Variants in XPO7 observed in about 807,000 individuals in gnomAD.
XPO7 encodes exportin 7.
XPO7 carries 21 observed loss-of-function variants against 144.3 expected under a neutral mutation model. The ratio of observed to expected loss-of-function variants is 0.15; its 90% CI spans 0.10 to 0.21. XPO7 has a LOEUF of 0.21. Ranked by LOEUF, XPO7 falls within the 10% of genes least tolerant of loss-of-function variation. The pLI, the probability that XPO7 is intolerant of heterozygous loss-of-function variation, is 1.00. For missense variants in XPO7, 808 were observed against 1,325.8 expected (o/e 0.61, Z 6.06); for synonymous variants, 580 against 499.6 (o/e 1.16, Z -2.15).
chr8:21,951,876 C>T (rs1331440536), intron 1 of XPO7, among the ~76,000 whole-genome samples: 1 of 152,184 alleles, frequency 6.6e-6, no homozygotes, highest in African/African-American at 2.4e-5. Flanking sequence ...GATCCTAATG[C>T]TGTCTCTACA....
intron 1 of XPO7, among the ~76,000 whole-genome samples, chr8:21,942,997 T>C (rs1811045151): frequency 6.6e-6 from 1 of 152,266 alleles, no homozygotes; most frequent in South Asian, 2.1e-4. Context: ...CCAGCCGTTT[T>C]ATCCACCATT....
intron 6 of XPO7, 44 bp downstream of exon 6, chr8:21,974,818 G>C: frequency 7.0e-7 from 1 of 1,436,676 alleles, no homozygotes; most frequent in Non-Finnish European, 9.5e-7. Context: ...TCTTTTGAAA[G>C]AATGAGAATG....
chr8:21,931,167 T>C (rs1391689593), intron 1 of XPO7, among the ~76,000 whole-genome samples: 2 of 147,484 alleles, frequency 1.4e-5, no homozygotes, highest in Non-Finnish European at 3.0e-5. Context: ...TTTCTCTCTC[T>C]CTTTTTTTTT....
intron 1 of XPO7, among the ~76,000 whole-genome samples, chr8:21,951,046 AG>A (rs1173581648): frequency 6.6e-6 from 1 of 152,052 alleles, no homozygotes; most frequent in Non-Finnish European, 1.5e-5. Context: ...GGGTGAGCCG[AG>A]GTCACATCGC....
intron 9 of XPO7, 92 bp from the exon 10 acceptor site, chr8:21,981,639 A>T (rs373967428): frequency 2.0e-6 from 3 of 1,491,740 alleles, no homozygotes; most frequent in African/African-American, 2.8e-5. Context: ...AGTAGATTCT[A>T]CCCCTTCCCC....
intron 1 of XPO7, among the ~76,000 whole-genome samples, chr8:21,961,588 G>A (rs775203434): frequency 1.3e-5 from 2 of 152,068 alleles, no homozygotes; most frequent in African/African-American, 2.4e-5. Flanking sequence ...AGCAACATAC[G>A]AGTTCTGGTT....
chr8:21,961,872 A>T (rs549117511), intron 1 of XPO7, among the ~76,000 whole-genome samples: 1 of 152,310 alleles, frequency 6.6e-6, no homozygotes, highest in South Asian at 2.1e-4. Flanking sequence ...CACGTCGGCC[A>T]TGCCGGTCTC....
intron 1 of XPO7, among the ~76,000 whole-genome samples, chr8:21,938,360 C>T (rs1001127861): frequency 1.4e-4 from 22 of 152,106 alleles, no homozygotes; most frequent in African/African-American, 5.1e-4. Context: ...CAATATTGTA[C>T]ATCCATTAGC....
At chr8:21,961,384 G>T (rs1811721230) in intron 1 of XPO7, among the ~76,000 whole-genome samples, 1 of 151,558 alleles carries the variant, frequency 6.6e-6, no homozygotes, top group Admixed American at 6.6e-5. Flanking sequence ...TAATTTTTTT[G>T]TTATTATTAT....
intron 1 of XPO7, among the ~76,000 whole-genome samples, chr8:21,924,963 A>G (rs982972083): frequency 6.6e-6 from 1 of 152,210 alleles, no homozygotes; most frequent in Admixed American, 6.5e-5. Context: ...ACAAGATGTG[A>G]TATTCTACTT....
rs758323390 is a variant in XPO7 at position 21,999,316 on chromosome 8, C to A, written c.2643+11C>A. 6.2e-7 allele frequency: 1 copy of A among 1,612,136 alleles called. No homozygotes were observed. The highest frequency in any genetic ancestry group is 1.7e-5 in the Admixed American group (1 of 60,016). Reference sequence around the variant, plus strand: ...CACAGTGATCTCTTGGTAAGCCTTACGCTGCATTGCCACAATCTTGTTCCT... The same window carrying A: ...CACAGTGATCTCTTGGTAAGCCTTAAGCTGCATTGCCACAATCTTGTTCCT... On this transcript the variant is annotated intron_variant, in intron 23 of 27. Transcript: ENST00000252512.
intron 1 of XPO7, among the ~76,000 whole-genome samples, chr8:21,922,407 A>T (rs1357011097): frequency 2.0e-5 from 3 of 152,132 alleles, no homozygotes; most frequent in Admixed American, 2.0e-4. Context: ...CAGCTCCTCG[A>T]TGTGATGGGT....
intron 1 of XPO7, among the ~76,000 whole-genome samples, chr8:21,923,304 A>G (rs980874005): frequency 1.3e-5 from 2 of 152,216 alleles, no homozygotes; most frequent in African/African-American, 2.4e-5. Context: ...CTTCAGGAGC[A>G]CACACGTAGA....
chr8:21,970,439 A>G (rs1030138723), intron 4 of XPO7, 129 bp downstream of exon 4: 12 of 987,058 alleles, frequency 1.2e-5, no homozygotes, highest in Middle Eastern at 3.2e-4. Context: ...AAATAGAATT[A>G]TATGATATAT....
intron 5 of XPO7, among the ~76,000 whole-genome samples, chr8:21,973,848 T>C (rs1241250383): frequency 6.6e-6 from 1 of 152,210 alleles, no homozygotes; most frequent in East Asian, 1.9e-4. Context: ...TAAATTTAGC[T>C]GAAAAGACAA....
chr8:21,978,921 C>T (rs1014340857), intron 8 of XPO7, among the ~76,000 whole-genome samples: 1 of 152,218 alleles, frequency 6.6e-6, no homozygotes, highest in Non-Finnish European at 1.5e-5. Flanking sequence ...AGCTTGGCTG[C>T]TCTCCTCAAC....
At position 21,990,911 on chromosome 8, in the gene XPO7, T is replaced by G. The variant is rs1812752303; in HGVS notation, c.2033T>G (p.Val678Gly). 2 of 1,613,940 alleles carry G rather than the reference T, an allele frequency of 1.2e-6. No individual in the cohort carries two copies. The highest frequency in any genetic ancestry group is 1.7e-6 in the Non-Finnish European group (2 of 1,179,816). The change falls in exon 18 of 28, where the codon GTG (valine) becomes GGG (glycine). Residue 678 changes from valine to glycine, a missense_variant. Val to Gly is a moderately radical substitution (Grantham distance 109). Coordinates refer to ENST00000252512, the MANE Select transcript of XPO7 (RefSeq NM_015024.5). Reference protein sequence around the residue: ...FYTALGRLLMVDLGEDEDQYE... With the variant: ...FYTALGRLLMGDLGEDEDQYE... The stretch of plus-strand genomic sequence containing the variant: ...ACAGCACTTGGGCGTCTCCTCATGG[T>G]GGATTTAGGTACCGTAAGAAATCGT...
intron 1 of XPO7, among the ~76,000 whole-genome samples, chr8:21,937,638 G>A (rs900122340): frequency 6.6e-6 from 1 of 152,110 alleles, no homozygotes; most frequent in African/African-American, 2.4e-5. Context: ...ATTATTAAAA[G>A]GTTCACTGAA....
In XPO7 at chr8:22,005,039, C is replaced by T; in HGVS notation, c.3215C>T (p.Ser1072Leu). ...GCATTCCGTCGAGAAGTCAACGACTCAATGAAGAATTCCACTTATGGCGTG... is the reference window on the plus strand; with the variant it reads ...GCATTCCGTCGAGAAGTCAACGACTTAATGAAGAATTCCACTTATGGCGTG... ...LSAFRREVNDSMKNSTYGVNS... is the reference protein window; with the variant it reads ...LSAFRREVNDLMKNSTYGVNS... Residue 1072 changes from serine (S) to leucine (L), a missense_variant, in exon 28 of 28, where the codon TCA becomes TTA. Ser to Leu is a moderately radical substitution (Grantham distance 145). Coordinates refer to ENST00000252512, the MANE Select transcript of XPO7 (RefSeq NM_015024.5). The T allele has an allele frequency of 1.9e-6, 3 of 1,612,726 alleles. No individual in the cohort carries two copies. The highest frequency in any genetic ancestry group is 1.7e-6 in the Non-Finnish European group (2 of 1,179,408).
Sources: allele counts gnomAD v4.1 joint callset (sites outside exome capture counted in the v4.1 genomes callset), GRCh38; gene constraint gnomAD v4.1.1; transcripts MANE v1.5; gene names NCBI Gene and HGNC (gene_info 2026-07-23, HGNC 2026-07-21).